Variants in RUFY2 observed in about 807,000 individuals in gnomAD.
The protein encoded by RUFY2 is RUN and FYVE domain containing 2, also known as RUN and FYVE domain-containing protein 2.
A neutral mutation model predicts 94.4 loss-of-function variants in RUFY2; 49 were observed. The ratio of observed to expected loss-of-function variants is 0.52; its 90% CI spans 0.41 to 0.66. The LOEUF (loss-of-function observed/expected upper bound fraction) is 0.66, where lower values mean the gene tolerates loss of function less well. Among genes scored for constraint, RUFY2 ranks in the 30% least tolerant of loss-of-function variants. The pLI, the probability that RUFY2 is intolerant of heterozygous loss-of-function variation, is 0.00. For synonymous variants in RUFY2, 255 were observed against 235.7 expected (o/e 1.08, Z -0.75); for missense variants, 541 against 692.8 (o/e 0.78, Z 2.46).
intron 13 of RUFY2, among the ~76,000 whole-genome samples, chr10:68,371,029 G>A (rs1001934004): frequency 6.6e-6 from 1 of 151,828 alleles, no homozygotes; most frequent in African/African-American, 2.4e-5. Flanking sequence ...CTACTCGGGA[G>A]GCTAAGGCAG....
At chr10:68,354,758 G>C (rs1416812386) in intron 16 of RUFY2, among the ~76,000 whole-genome samples, 2 of 152,022 alleles carry the variant, frequency 1.3e-5, no homozygotes, top group East Asian at 3.8e-4. Context: ...GACTGGCATA[G>C]GAACTCAAGA....
chr10:68,383,366 C>G (rs1168801218), intron 10 of RUFY2, among the ~76,000 whole-genome samples: 1 of 151,652 alleles, frequency 6.6e-6, no homozygotes, highest in African/African-American at 2.4e-5. Context: ...CGCCTGTAAT[C>G]CCAACACTTT....
At chr10:68,353,223 C>T (rs1166806395) in intron 16 of RUFY2, among the ~76,000 whole-genome samples, 3 of 148,538 alleles carry the variant, frequency 2.0e-5, no homozygotes, top group Non-Finnish European at 4.5e-5. Flanking sequence ...CCCAGCTACT[C>T]GGGAGGCTGA....
chr10:68,364,663 T>C (rs1327702050), intron 13 of RUFY2, among the ~76,000 whole-genome samples: 3 of 151,830 alleles, frequency 2.0e-5, no homozygotes, highest in African/African-American at 4.8e-5. Flanking sequence ...CAAGCAGACA[T>C]TGGGGGAAAG....
At chr10:68,406,846 C>T in intron 1 of RUFY2, 1 of 1,612,400 alleles carries the variant, frequency 6.2e-7, no homozygotes, top group Non-Finnish European at 8.5e-7. Context: ...CCGCCACCCC[C>T]AAACCTGAAA....
At chr10:68,349,012 A>G (rs992306592) in intron 16 of RUFY2, among the ~76,000 whole-genome samples, 2 of 152,126 alleles carry the variant, frequency 1.3e-5, no homozygotes, top group African/African-American at 4.8e-5. Flanking sequence ...CTCTGGAGAA[A>G]TTCAACTGCC....
chr10:68,370,890 C>A (rs1257792750), intron 13 of RUFY2, among the ~76,000 whole-genome samples: 1 of 151,786 alleles, frequency 6.6e-6, no homozygotes, highest in South Asian at 2.1e-4. Flanking sequence ...CCCAGCACTT[C>A]GAGAGGCCAA....
chr10:68,395,468 T>C (rs2050326550), intron 4 of RUFY2, among the ~76,000 whole-genome samples: 1 of 152,192 alleles, frequency 6.6e-6, no homozygotes, highest in African/African-American at 2.4e-5. Flanking sequence ...CTCGGATTTA[T>C]TAAGACCCTT....
At chr10:68,356,880 C>T (rs1483182624) in intron 15 of RUFY2, among the ~76,000 whole-genome samples, 1 of 151,826 alleles carries the variant, frequency 6.6e-6, no homozygotes, top group East Asian at 2.0e-4. Context: ...GTATGTTGGG[C>T]CAGATGCGGT....
intron 13 of RUFY2, among the ~76,000 whole-genome samples, chr10:68,365,780 T>A (rs1295452213): frequency 6.6e-6 from 1 of 151,454 alleles, no homozygotes; most frequent in Non-Finnish European, 1.5e-5. Flanking sequence ...ATCATTTCAC[T>A]CAGTCAGAGT....
In RUFY2 at chr10:68,345,293, G is replaced by A. The variant is rs569262361; in HGVS notation, c.*475C>T. On this transcript the variant is annotated 3_prime_UTR_variant, in exon 18 of 18. Coordinates refer to ENST00000602465, the MANE Select transcript of RUFY2 (RefSeq NM_001330103.2). ...GGCAAAGGGAGAGGGGGAGAAGAAA[G>A]GGCAAATAAATATAGTTGAAATCTT... is the stretch of plus-strand genomic sequence containing the variant. The A allele has an allele frequency of 6.3e-5, 15 of 238,400 alleles. No homozygotes were observed. Among genetic ancestry groups the A allele is most frequent in the Non-Finnish European group, 9.6e-5 (12 of 125,524 alleles). 14.8% of individuals were successfully genotyped at this position (238,400 alleles called of 1,614,324 possible). A position where few individuals can be genotyped will look rare whatever the true frequency, so the allele number is the denominator to read the frequency against.
Position 68,345,900 on chromosome 10 carries a change from TCTACAGTGGTGCTATTA to T in RUFY2, c.1678-6_1688del, listed in dbSNP as rs1444624819. The T allele has an allele frequency of 6.2e-7, 1 of 1,614,088 alleles. No homozygotes were observed. The highest frequency in any genetic ancestry group is 1.1e-5 in the South Asian group (1 of 91,038). ...CATTACAGAAAATTTCCCCACAATTTCTACAGTGGTGCTATTAAACAGAAAAATCAGAGGGAAAAAAA... is the reference window on the plus strand; with the variant it reads ...CATTACAGAAAATTTCCCCACAATTTAACAGAAAAATCAGAGGGAAAAAAA... On this transcript the variant is annotated splice_acceptor_variant and splice_polypyrimidine_tract_variant and coding_sequence_variant and intron_variant, in exon 18 of 18. Transcript: ENST00000602465. LOFTEE classifies it high-confidence loss of function.
At chr10:68,369,806 C>T (rs888091502) in intron 13 of RUFY2, among the ~76,000 whole-genome samples, 6 of 152,042 alleles carry the variant, frequency 3.9e-5, no homozygotes, top group South Asian at 2.1e-4. Flanking sequence ...GTTTGACTCT[C>T]GGTACACCCC....
Position 68,381,275 on chromosome 10 carries a change from T to C in RUFY2, c.1064A>G (p.Glu355Gly), listed in dbSNP as rs1235200960. 1 of 1,613,856 alleles carries C rather than the reference T, an allele frequency of 6.2e-7. No homozygotes were observed. Residue 355 changes from glutamate (E) to glycine (G), a missense_variant, in exon 11 of 18, where the codon GAG becomes GGG. This residue lies in a region of RUFY2 where 403 missense variants were observed against 480.7 expected (regional missense o/e 0.84). Transcript: ENST00000602465. ...CTCTATGTTAATTGCTTTAACTTCC[T>C]CTAGTTGTTGTCGAAGGCCTATCAG... ...DTLIGLRQQL[E>G]EVKAINIEMY...
At chr10:68,385,114 A>C (rs1252991855) in intron 8 of RUFY2, among the ~76,000 whole-genome samples, 1 of 152,118 alleles carries the variant, frequency 6.6e-6, no homozygotes, top group Non-Finnish European at 1.5e-5. Context: ...ATACAAAAAA[A>C]TTAGCCGGGC....
At chr10:68,351,395 C>A (rs1193766191) in intron 16 of RUFY2, among the ~76,000 whole-genome samples, 3 of 151,756 alleles carry the variant, frequency 2.0e-5, no homozygotes, top group African/African-American at 7.3e-5. Flanking sequence ...CTTGGCCTCC[C>A]AAAGTGCTGG....
At chr10:68,370,457 T>C (rs2048187233) in intron 13 of RUFY2, among the ~76,000 whole-genome samples, 2 of 149,994 alleles carry the variant, frequency 1.3e-5, no homozygotes. Flanking sequence ...TCTTTTTTTT[T>C]TTTTTTTTTT....
intron 3 of RUFY2, among the ~76,000 whole-genome samples, chr10:68,397,514 G>A (rs1589982945): frequency 6.6e-6 from 1 of 151,856 alleles, no homozygotes; most frequent in East Asian, 1.9e-4. Flanking sequence ...AGGATCACTT[G>A]AATCCAGGAG....
At chr10:68,381,195 C>A in intron 11 of RUFY2, 37 bp downstream of exon 11, 1 of 1,512,786 alleles carries the variant, frequency 6.6e-7, no homozygotes, top group South Asian at 1.3e-5. Flanking sequence ...TATTCACTTT[C>A]AATTTACATA....
Sources: gnomAD v4.1 joint callset for allele counts (sites outside exome capture counted in the v4.1 genomes callset) on GRCh38, gnomAD v4.1.1 for gene constraint, gnomAD v4.1.1 regional missense constraint, MANE v1.5 for transcripts, NCBI Gene and HGNC (gene_info 2026-07-23, HGNC 2026-07-21) for gene names.